HTR1F: variants seen among roughly 807,000 people sequenced by gnomAD.
The protein encoded by HTR1F is 5-hydroxytryptamine (serotonin) receptor 1F, G protein-coupled.
HTR1F carries 17 observed loss-of-function variants against 24.0 expected under a neutral mutation model. The observed-to-expected ratio is 0.71, with a 90% CI of 0.48 to 1.06. The LOEUF is 1.06. Among genes scored for constraint, HTR1F ranks in the 50% least tolerant of loss-of-function variants. The probability of loss-of-function intolerance (pLI) is 0.00; values close to 1 mark genes in which losing one functional copy is unlikely to be tolerated. For missense variants in HTR1F, 391 were observed against 427.8 expected, an observed-to-expected ratio of 0.91 and a Z score of 0.76; for synonymous variants, 186 against 156.8, an observed-to-expected ratio of 1.19 and a Z score of -1.39.
chr3:87,887,015 CA>C (rs138179498), intron 2 of HTR1F, among the ~76,000 whole-genome samples: 13,710 of 152,146 alleles, frequency 0.09, 801 homozygotes, highest in East Asian at 0.22. Flanking sequence ...CCCACATTGC[CA>C]AGACAACCCT....
chr3:87,867,961 G>C (rs956140378), intron 2 of HTR1F, among the ~76,000 whole-genome samples: 2 of 152,076 alleles, frequency 1.3e-5, no homozygotes, highest in African/African-American at 4.8e-5. Context: ...GTAGCACTAA[G>C]TAAACAGAAA....
intron 2 of HTR1F, among the ~76,000 whole-genome samples, chr3:87,862,585 T>A (rs1396863139): frequency 6.6e-6 from 1 of 152,196 alleles, no homozygotes; most frequent in Non-Finnish European, 1.5e-5. Context: ...GGATCTCCAA[T>A]ATATGTCACA....
chr3:87,955,575 C>T (rs114343357), intron 2 of HTR1F, among the ~76,000 whole-genome samples: 2,372 of 151,488 alleles, frequency 0.016, 64 homozygotes, highest in African/African-American at 0.054. Context: ...ATGGCTGGGT[C>T]GTATTGTCAG....
chr3:87,861,812 T>C (rs1400463398), intron 2 of HTR1F, among the ~76,000 whole-genome samples: 1 of 152,156 alleles, frequency 6.6e-6, no homozygotes, highest in Admixed American at 6.6e-5. Flanking sequence ...TAGGTATAAT[T>C]CTTTGAAATA....
At chr3:87,934,211 G>A (rs1316108484) in intron 2 of HTR1F, among the ~76,000 whole-genome samples, 2 of 152,220 alleles carry the variant, frequency 1.3e-5, no homozygotes, top group Non-Finnish European at 2.9e-5. Context: ...AACAGAGAAA[G>A]AATGAAAGAG....
chr3:87,866,943 T>C (rs1245701755), intron 2 of HTR1F, among the ~76,000 whole-genome samples: 1 of 151,802 alleles, frequency 6.6e-6, no homozygotes, highest in Non-Finnish European at 1.5e-5. Context: ...GCAGTATTTC[T>C]ATTAAAAACA....
intron 2 of HTR1F, among the ~76,000 whole-genome samples, chr3:87,954,834 A>G (rs1704910178): frequency 6.6e-6 from 1 of 151,600 alleles, no homozygotes; most frequent in Non-Finnish European, 1.5e-5. Context: ...AAACTTTTTT[A>G]AAGTAGTGAA....
intron 2 of HTR1F, among the ~76,000 whole-genome samples, chr3:87,917,073 T>A (rs1340687754): frequency 1.3e-5 from 2 of 151,978 alleles, no homozygotes; most frequent in South Asian, 2.1e-4. Context: ...TCCAAAACCA[T>A]GCAAATACAT....
At chr3:87,881,120 C>A (rs142620310) in intron 2 of HTR1F, among the ~76,000 whole-genome samples, 1 of 152,132 alleles carries the variant, frequency 6.6e-6, no homozygotes, top group South Asian at 2.1e-4. Flanking sequence ...CTAAGCAGGG[C>A]GGGGCATTGC....
chr3:87,932,299 G>A (rs1704296455), intron 2 of HTR1F, among the ~76,000 whole-genome samples: 1 of 152,020 alleles, frequency 6.6e-6, no homozygotes, highest in East Asian at 1.9e-4. Flanking sequence ...TATTAAATAG[G>A]GAATCCTTTC....
rs746556712 is a variant in HTR1F, at chr3:87,990,830, C to T, written c.81C>T (p.Ser27=). Residue 27 remains serine (S), a synonymous_variant, in exon 3 of 3, where the codon TCC becomes TCT. Transcript: ENST00000319595. Reference sequence around the variant, plus strand: ...GAATGCCATCCAAAATTCTGGTGTCCCTCACTCTGTCTGGGCTGGCACTGA... The same window carrying T: ...GAATGCCATCCAAAATTCTGGTGTCTCTCACTCTGTCTGGGCTGGCACTGA... The part of the protein sequence containing the change: ...LNRMPSKILV[S]LTLSGLALMT... 5 of 1,613,864 alleles carry T rather than the reference C, an allele frequency of 3.1e-6. No homozygotes were observed. In the Admixed American group the frequency reaches 5.0e-5, roughly 16 times the overall value.
chr3:87,825,748 C>A (rs1267203845), intron 2 of HTR1F, among the ~76,000 whole-genome samples: 1 of 152,156 alleles, frequency 6.6e-6, no homozygotes, highest in Non-Finnish European at 1.5e-5. Context: ...AATCATGTCA[C>A]AAAGCCTTCT....
chr3:87,816,980 T>C (rs1239402756), intron 1 of HTR1F, among the ~76,000 whole-genome samples: 1 of 152,138 alleles, frequency 6.6e-6, no homozygotes, highest in Non-Finnish European at 1.5e-5. Flanking sequence ...ATAAGAATAC[T>C]GGTTACAAAG....
intron 2 of HTR1F, among the ~76,000 whole-genome samples, chr3:87,915,910 T>C (rs1351613605): frequency 1.3e-5 from 2 of 152,028 alleles, no homozygotes; most frequent in African/African-American, 4.8e-5. Context: ...TGTCATCAGG[T>C]TATCTAAAGT....
At position 87,991,383 on chromosome 3, in the gene HTR1F, T is replaced by C. The variant is rs745971003; in HGVS notation, c.634T>C (p.Tyr212His). 3 of 1,613,874 alleles carry C rather than the reference T, an allele frequency of 1.9e-6. No individual in the cohort carries two copies. Among genetic ancestry groups the C allele is most frequent in the African/African-American group, 1.3e-5 (1 of 74,938 alleles). Residue 212 changes from tyrosine to histidine, a missense_variant, in exon 3 of 3, where the codon TAC (tyrosine) becomes CAC (histidine). By Grantham distance (83) the Tyr-to-His change is moderately conservative (BLOSUM62 2). Transcript: ENST00000319595. The stretch of plus-strand genomic sequence containing the variant: ...AATATATAGAGCAGCAAAGACATTA[T>C]ACCACAAGAGACAAGCAAGTAGGAT... Reference protein sequence around the residue: ...YKIYRAAKTLYHKRQASRIAK... With the variant: ...YKIYRAAKTLHHKRQASRIAK...
Position 87,927,063 on chromosome 3 carries a change from A to AGGCTTT in HTR1F, c.-42-63644_-42-63643insGCTTTG, listed in dbSNP as rs1404305867. Among the ~76,000 whole-genome samples the AGGCTTT allele has an allele frequency of 4.0e-4, 61 of 152,300 alleles. 1 individual carries two copies. The highest frequency in any genetic ancestry group is 1.4e-3 in the African/African-American group (59 of 41,584). On this transcript the variant is annotated intron_variant, in intron 2 of 2. Transcript: ENST00000319595. ...TGACAGGGGAGTGGTGGAAAGCCAC[A>AGGCTTT]GTCGAGGCTTTGTAGAGGACTCTCA...
rs528622962 is a variant in HTR1F, at chr3:87,812,891, G to A, written c.-159-9117G>A. 5.3e-5 allele frequency among the ~76,000 whole-genome samples: 8 copies of A among 152,362 alleles called. No homozygotes were observed. The East Asian group carries it at 1.3e-3, about 26-fold the overall frequency. ...CTTGGTGGCTTCTACATGGTGCTGG[G>A]TCTGCATGTGCAGAGTCAAGAAGTC... is the stretch of plus-strand genomic sequence containing the variant. On this transcript the variant is annotated intron_variant, in intron 1 of 2. Coordinates refer to ENST00000319595, the MANE Select transcript of HTR1F (RefSeq NM_001322209.2).
intron 2 of HTR1F, among the ~76,000 whole-genome samples, chr3:87,882,524 G>C (rs1391241355): frequency 6.6e-6 from 1 of 152,080 alleles, no homozygotes; most frequent in Admixed American, 6.6e-5. Flanking sequence ...ATACTATGCA[G>C]CCATAAAGAA....
chr3:87,801,455 G>A (rs143948746), intron 1 of HTR1F, among the ~76,000 whole-genome samples: 1 of 152,196 alleles, frequency 6.6e-6, no homozygotes, highest in Non-Finnish European at 1.5e-5. Context: ...AAGTCCTGAC[G>A]ACATGTGCCC....
Sources: allele counts gnomAD v4.1 joint callset (sites outside exome capture counted in the v4.1 genomes callset), GRCh38; gene constraint gnomAD v4.1.1; transcripts MANE v1.5; gene names NCBI Gene and HGNC (gene_info 2026-07-23, HGNC 2026-07-21).